Variants in RANBP2 observed in about 807,000 individuals in gnomAD.
RANBP2 encodes the protein E3 SUMO-protein ligase RanBP2.
RANBP2 carries 57 observed loss-of-function variants against 303.6 expected under a neutral mutation model. The ratio of observed to expected loss-of-function variants is 0.19; its 90% CI spans 0.15 to 0.23. The LOEUF (loss-of-function observed/expected upper bound fraction) is 0.23. RANBP2 is among the 10% of genes least tolerant of loss of function. The pLI is 1.00. For missense variants in RANBP2, 3,138 were observed against 3,780.8 expected (o/e 0.83, Z 4.46); for synonymous variants, 1,167 against 1,301.5 (o/e 0.90, Z 2.23).
chr2:109,223,968 C>G, the RANBP2 span, among the ~76,000 whole-genome samples: 1 of 152,186 alleles, frequency 6.6e-6, no homozygotes, highest in Admixed American at 6.5e-5. Context: ...TGCCACTGCA[C>G]TCCAGCCTAG....
chr2:109,484,289 A>T, the RANBP2 span, among the ~76,000 whole-genome samples: 1 of 151,270 alleles, frequency 6.6e-6, no homozygotes, highest in African/African-American at 2.4e-5. Flanking sequence ...CTGGTCTCGA[A>T]CTCCTGACCT....
the RANBP2 span, among the ~76,000 whole-genome samples, chr2:109,533,659 G>A: frequency 2.6e-5 from 4 of 152,150 alleles, no homozygotes; most frequent in South Asian, 4.1e-4. Flanking sequence ...AGCTGTTAGC[G>A]AATACAAACA....
the RANBP2 span, among the ~76,000 whole-genome samples, chr2:109,355,685 G>A: frequency 6.6e-6 from 1 of 152,216 alleles, no homozygotes; most frequent in Non-Finnish European, 1.5e-5. Context: ...GTGTGCATCT[G>A]TTGGGAAACA....
the RANBP2 span, among the ~76,000 whole-genome samples, chr2:109,521,503 T>A: frequency 1.3e-5 from 2 of 152,300 alleles, no homozygotes; most frequent in East Asian, 3.9e-4. Context: ...AGTGTCCGAG[T>A]GAAGCCAGGA....
intron 7 of RANBP2, among the ~76,000 whole-genome samples, chr2:108,743,540 A>C (rs568932923): frequency 6.6e-6 from 1 of 152,128 alleles, no homozygotes; most frequent in East Asian, 1.9e-4. Context: ...TGCCCTCCCA[A>C]AGTGCTGGGA....
At chr2:109,282,487 C>T in the RANBP2 span, among the ~76,000 whole-genome samples, 1 of 152,178 alleles carries the variant, frequency 6.6e-6, no homozygotes, top group Admixed American at 6.5e-5. Context: ...GCCCGAGGGT[C>T]ACCAAGACGC....
At chr2:109,730,412 A>C in the RANBP2 span, among the ~76,000 whole-genome samples, 1 of 152,190 alleles carries the variant, frequency 6.6e-6, no homozygotes, top group African/African-American at 2.4e-5. Flanking sequence ...AGAAAGAAGA[A>C]TGACTAGCTT....
chr2:108,800,328 G>T, the RANBP2 span, among the ~76,000 whole-genome samples: 13 of 152,162 alleles, frequency 8.5e-5, no homozygotes, highest in East Asian at 2.5e-3. Context: ...ACAGTGGCAC[G>T]ATCTCGGCTC....
At chr2:109,590,904 G>A in the RANBP2 span, among the ~76,000 whole-genome samples, 1 of 152,182 alleles carries the variant, frequency 6.6e-6, no homozygotes, top group Admixed American at 6.5e-5. Context: ...GAAAGAGTAT[G>A]GAAGGAAAGC....
the RANBP2 span, among the ~76,000 whole-genome samples, chr2:109,710,051 C>T: frequency 6.7e-6 from 1 of 149,082 alleles, no homozygotes; most frequent in Non-Finnish European, 1.5e-5. Context: ...CGTGCCACTG[C>T]ACTCCTGCCT....
the RANBP2 span, among the ~76,000 whole-genome samples, chr2:109,611,265 T>G: frequency 6.6e-6 from 1 of 152,188 alleles, no homozygotes; most frequent in Non-Finnish European, 1.5e-5. Flanking sequence ...CTTTGGGATC[T>G]AAGGTTAGGC....
At chr2:109,312,733 A>G in the RANBP2 span, among the ~76,000 whole-genome samples, 5 of 152,316 alleles carry the variant, frequency 3.3e-5, no homozygotes, top group Middle Eastern at 3.4e-3. Flanking sequence ...AGAATGTCCC[A>G]CTGTATGGTA....
chr2:109,526,228 G>A, the RANBP2 span, among the ~76,000 whole-genome samples: 1 of 152,174 alleles, frequency 6.6e-6, no homozygotes, highest in Admixed American at 6.5e-5. Context: ...TTCCTTTCTT[G>A]GGTTTAAGCC....
chr2:108,753,236 C>T, intron 13 of RANBP2, 77 bp downstream of exon 13: 1 of 1,607,726 alleles, frequency 6.2e-7, no homozygotes, highest in South Asian at 1.1e-5. Flanking sequence ...CTATACACTG[C>T]TTAAATTAAT....
At chr2:109,001,014 A>G in the RANBP2 span, among the ~76,000 whole-genome samples, 1 of 152,172 alleles carries the variant, frequency 6.6e-6, no homozygotes, top group African/African-American at 2.4e-5. Flanking sequence ...TCCAGGGGGA[A>G]GTAAAGAGCA....
the RANBP2 span, among the ~76,000 whole-genome samples, chr2:109,222,772 A>G: frequency 1.3e-5 from 2 of 152,260 alleles, no homozygotes; most frequent in African/African-American, 2.4e-5. Flanking sequence ...TGGTCTGCCT[A>G]AGGACTTTTT....
the RANBP2 span, among the ~76,000 whole-genome samples, chr2:109,117,929 C>G: frequency 1.3e-5 from 2 of 152,200 alleles, no homozygotes; most frequent in Admixed American, 1.3e-4. Flanking sequence ...CCTTGAGGAA[C>G]AGAATGCTGA....
the RANBP2 span, among the ~76,000 whole-genome samples, chr2:109,200,528 G>T: frequency 2.0e-5 from 3 of 152,088 alleles, no homozygotes; most frequent in African/African-American, 7.2e-5. Flanking sequence ...ACTCTGCCCT[G>T]TGTGCAGAGC....
At chr2:109,637,388 T>C in the RANBP2 span, among the ~76,000 whole-genome samples, 1 of 152,194 alleles carries the variant, frequency 6.6e-6, no homozygotes, top group African/African-American at 2.4e-5. Context: ...TTTCCTCTTT[T>C]ACTAATCCAC....
Sources: allele counts gnomAD v4.1 joint callset (sites outside exome capture counted in the v4.1 genomes callset), GRCh38; gene constraint gnomAD v4.1.1; transcripts MANE v1.5; gene names NCBI Gene and HGNC (gene_info 2026-07-23, HGNC 2026-07-21).